Variants in SEL1L3 observed in about 807,000 individuals in gnomAD.
The protein encoded by SEL1L3 is protein sel-1 homolog 3.
Under a neutral mutation model 142.8 loss-of-function variants are expected in SEL1L3, and 76 were observed. The ratio of observed to expected loss-of-function variants is 0.53; its 90% CI spans 0.44 to 0.64. SEL1L3 has a LOEUF of 0.64. Ranked by LOEUF, SEL1L3 falls within the 30% of genes least tolerant of loss-of-function variation. SEL1L3 has a pLI of 0.00. For synonymous variants in SEL1L3, 504 were observed against 519.6 expected (o/e 0.97, Z 0.41); for missense variants, 1,262 against 1,381.7 (o/e 0.91, Z 1.37).
chr4:25,735,417 G>C, the SEL1L3 span, among the ~76,000 whole-genome samples: 3 of 152,004 alleles, frequency 2.0e-5, no homozygotes, highest in South Asian at 4.1e-4. Context: ...TGGGAATTTT[G>C]TGTCTTTTCT....
At chr4:25,791,899 C>T (rs962875673) in intron 11 of SEL1L3, among the ~76,000 whole-genome samples, 10 of 149,596 alleles carry the variant, frequency 6.7e-5, no homozygotes, top group African/African-American at 2.0e-4. Context: ...GCGGACAGAG[C>T]GAGACTCAGT....
intron 23 of SEL1L3, among the ~76,000 whole-genome samples, chr4:25,750,909 G>A (rs1302136280): frequency 1.2e-4 from 18 of 152,234 alleles, no homozygotes; most frequent in Admixed American, 9.8e-4. Context: ...ATAGGCTGAC[G>A]TTGGTTTAAA....
intron 17 of SEL1L3, chr4:25,773,611 G>C (rs751856032): frequency 6.6e-6 from 1 of 151,926 alleles, no homozygotes; most frequent in African/African-American, 2.4e-5. Context: ...TAAGAAACAG[G>C]CTCTGTCATG....
At chr4:25,797,146 G>C (rs1229183592) in intron 11 of SEL1L3, among the ~76,000 whole-genome samples, 2 of 151,018 alleles carry the variant, frequency 1.3e-5, no homozygotes, top group African/African-American at 4.9e-5. Flanking sequence ...AGGGGAGCAG[G>C]TGAGGGTGAG....
intron 1 of SEL1L3, among the ~76,000 whole-genome samples, chr4:25,860,422 T>C (rs1334222263): frequency 6.6e-6 from 1 of 152,124 alleles, no homozygotes; most frequent in Non-Finnish European, 1.5e-5. Context: ...TTGCGTTTTC[T>C]CTCTATTGTT....
rs779674891 is a variant in SEL1L3 at position 25,765,317 on chromosome 4, G to T, written c.2955+9C>A. The T allele has an allele frequency of 3.2e-6, 5 of 1,579,046 alleles. No individual in the cohort carries two copies. In the African/African-American group the frequency reaches 5.4e-5, roughly 17 times the overall value. ...CCAAGAGCTGGTTTTTGTTGCGGTT[G>T]CTGTTTACCTGGGAGTCTCCATCCA... On this transcript the variant is annotated intron_variant, in intron 20 of 23. Coordinates refer to ENST00000399878, the MANE Select transcript of SEL1L3 (RefSeq NM_015187.5).
chr4:25,744,125 T>G (rs1717191612), downstream of SEL1L3, among the ~76,000 whole-genome samples: 1 of 152,138 alleles, frequency 6.6e-6, no homozygotes, highest in Admixed American at 6.6e-5. Context: ...CATTTGGAGC[T>G]GAGCAGACCA....
chr4:25,803,209 G>A (rs1440084495), intron 10 of SEL1L3, among the ~76,000 whole-genome samples: 1 of 152,236 alleles, frequency 6.6e-6, no homozygotes, highest in Middle Eastern at 3.2e-3. Flanking sequence ...TGGGAAAAGA[G>A]AGGCCCAGAA....
At chr4:25,848,422 T>C (rs1046262107) in intron 1 of SEL1L3, among the ~76,000 whole-genome samples, 3 of 152,232 alleles carry the variant, frequency 2.0e-5, no homozygotes, top group Non-Finnish European at 1.5e-5. Context: ...GAGGCTTCTA[T>C]TGCTCCTGGT....
intron 1 of SEL1L3, among the ~76,000 whole-genome samples, chr4:25,848,489 A>C (rs983279230): frequency 6.6e-6 from 1 of 152,210 alleles, no homozygotes; most frequent in African/African-American, 2.4e-5. Context: ...CACCACAGAC[A>C]ATGCTACATG....
intron 9 of SEL1L3, among the ~76,000 whole-genome samples, chr4:25,805,034 C>T (rs956097992): frequency 2.0e-5 from 3 of 152,190 alleles, no homozygotes; most frequent in African/African-American, 7.2e-5. Flanking sequence ...GAGTAATTTA[C>T]TCAGTGTAAC....
At position 25,799,323 on chromosome 4, in the gene SEL1L3, C is replaced by A. The variant is rs566203107; in HGVS notation, c.1956+2960G>T. On this transcript the variant is annotated intron_variant, in intron 11 of 23. Coordinates refer to ENST00000399878, the MANE Select transcript of SEL1L3 (RefSeq NM_015187.5). Reference sequence around the variant, plus strand: ...CTCCTGACCTCAAGTGATCTGCCTGCCTCCTCCTCCCAAAGTGCTGGTATT... The same window carrying A: ...CTCCTGACCTCAAGTGATCTGCCTGACTCCTCCTCCCAAAGTGCTGGTATT... Among the ~76,000 whole-genome samples, 6 of 152,226 alleles carry A rather than the reference C, an allele frequency of 3.9e-5. No homozygotes were observed. The South Asian group carries it at 1.2e-3, about 32-fold the overall frequency.
At chr4:25,799,221 C>T (rs969933957) in intron 11 of SEL1L3, among the ~76,000 whole-genome samples, 4 of 152,078 alleles carry the variant, frequency 2.6e-5, no homozygotes, top group Admixed American at 1.3e-4. Flanking sequence ...ATGACAGATG[C>T]GCACCACCAT....
chr4:25,782,644 A>C (rs952786575), intron 14 of SEL1L3, among the ~76,000 whole-genome samples: 1 of 152,118 alleles, frequency 6.6e-6, no homozygotes, highest in African/African-American at 2.4e-5. Context: ...TCTGCCTTCC[A>C]TCTCTGCAGC....
chr4:25,856,997 A>G (rs1717305835), intron 1 of SEL1L3, among the ~76,000 whole-genome samples: 1 of 152,210 alleles, frequency 6.6e-6, no homozygotes. Flanking sequence ...CAAGAAAACA[A>G]TAACTGTTTT....
At chr4:25,799,079 T>C (rs886693046) in intron 11 of SEL1L3, among the ~76,000 whole-genome samples, 5 of 149,004 alleles carry the variant, frequency 3.4e-5, no homozygotes, top group African/African-American at 1.3e-4. Flanking sequence ...CTACTCTGTT[T>C]GTTGTTGTTG....
At chr4:25,746,711 T>C (rs1422600011), downstream of SEL1L3, among the ~76,000 whole-genome samples, 1 of 151,814 alleles carries the variant, frequency 6.6e-6, no homozygotes, top group Admixed American at 6.6e-5. Flanking sequence ...CTTCGCCTTC[T>C]GCCATGATTG....
intron 23 of SEL1L3, among the ~76,000 whole-genome samples, chr4:25,752,646 G>C (rs1346873561): frequency 5.9e-5 from 9 of 152,156 alleles, no homozygotes; most frequent in Non-Finnish European, 1.3e-4. Context: ...TTGAGACAGA[G>C]TTTCACTCTT....
intron 17 of SEL1L3, among the ~76,000 whole-genome samples, chr4:25,775,730 G>T (rs1200776776): frequency 6.6e-6 from 1 of 152,196 alleles, no homozygotes; most frequent in Non-Finnish European, 1.5e-5. Flanking sequence ...GATGAGATTT[G>T]CTAACTCCAC....
Sources: gnomAD v4.1 joint callset for allele counts (sites outside exome capture counted in the v4.1 genomes callset) on GRCh38, gnomAD v4.1.1 for gene constraint, MANE v1.5 for transcripts, NCBI Gene and HGNC (gene_info 2026-07-23, HGNC 2026-07-21) for gene names.